Variants in PRAG1 observed in about 807,000 individuals in gnomAD.
The protein encoded by PRAG1 is inactive tyrosine-protein kinase PRAG1.
Under a neutral mutation model 95.6 loss-of-function variants are expected in PRAG1, and 110 were observed. That is an observed-to-expected ratio of 1.15 (90% confidence interval 0.99 to 1.35). The LOEUF (loss-of-function observed/expected upper bound fraction) is 1.35. PRAG1 is among the 40% of genes most tolerant of loss of function. The pLI, the probability that PRAG1 is intolerant of heterozygous loss-of-function variation, is 0.00. For synonymous variants in PRAG1, 1,052 were observed against 819.4 expected (o/e 1.28, Z -4.85); for missense variants, 2,554 against 1,864.7 (o/e 1.37, Z -6.81).
chr8:8,347,015 G>C (rs759669035), intron 3 of PRAG1, among the ~76,000 whole-genome samples: 18 of 152,204 alleles, frequency 1.2e-4, no homozygotes, highest in Non-Finnish European at 2.2e-4. Context: ...GAAAGTTTTA[G>C]AGCATCAAAT....
At chr8:8,378,905 C>T (rs956606932) in intron 2 of PRAG1, among the ~76,000 whole-genome samples, 1 of 150,118 alleles carries the variant, frequency 6.7e-6, no homozygotes, top group Non-Finnish European at 1.5e-5. Flanking sequence ...AAAAAAGAAA[C>T]ACATTGGGTG....
At chr8:8,348,254 A>ATTT (rs1799411243) in intron 3 of PRAG1, among the ~76,000 whole-genome samples, 1 of 152,192 alleles carries the variant, frequency 6.6e-6, no homozygotes, top group Admixed American at 6.5e-5. Context: ...CCTTGGTAAA[A>ATTT]GCACCCTGAC....
chr8:8,376,995 C>T lies in PRAG1; in HGVS notation c.1414G>A (p.Ala472Thr), dbSNP rs1800430292. 1 of 1,613,752 alleles carries T rather than the reference C, an allele frequency of 6.2e-7. No homozygotes were observed. Among genetic ancestry groups the T allele is most frequent in the East Asian group, 2.2e-5 (1 of 44,876 alleles). ...DSPDPTPQVS[A>T]TITVMAAHPE... is the part of the protein sequence containing the mutation. ...TGGGCCGCCATGACTGTGATGGTGGCTGACACCTGGGGAGTTGGGTCTGGG... is the reference window on the plus strand; with the variant it reads ...TGGGCCGCCATGACTGTGATGGTGGTTGACACCTGGGGAGTTGGGTCTGGG... Residue 472 changes from alanine to threonine, a missense_variant, in exon 3 of 6, where the codon GCC (alanine) becomes ACC (threonine). By Grantham distance (58) the Ala-to-Thr change is moderately conservative. Coordinates refer to ENST00000615670, the MANE Select transcript of PRAG1 (RefSeq NM_001080826.3).
In PRAG1 at chr8:8,318,137, G is replaced by C; in HGVS notation, c.*17C>G. 6.2e-7 allele frequency: 1 copy of C among 1,600,782 alleles called. No homozygotes were observed. Among genetic ancestry groups the C allele is most frequent in the Non-Finnish European group, 8.5e-7 (1 of 1,173,278 alleles). On this transcript the variant is annotated 3_prime_UTR_variant, in exon 6 of 6. Transcript: ENST00000615670. The surrounding 1 kb of genome is among the most constrained non-coding windows in gnomAD (Gnocchi z 4.2). Reference sequence around the variant, plus strand: ...TAGGCAGGGAAGGGGCAGCGACGGTGCAGGCTGGGGCTTGGCTCACAGAAG... The same window carrying C: ...TAGGCAGGGAAGGGGCAGCGACGGTCCAGGCTGGGGCTTGGCTCACAGAAG...
At chr8:8,329,524 C>A (rs1210939881) in intron 4 of PRAG1, among the ~76,000 whole-genome samples, 1 of 151,992 alleles carries the variant, frequency 6.6e-6, no homozygotes, top group Non-Finnish European at 1.5e-5. Flanking sequence ...CACACCTTGG[C>A]AGTAGGACCA....
chr8:8,370,395 C>T (rs1256600799), intron 3 of PRAG1, among the ~76,000 whole-genome samples: 4 of 152,228 alleles, frequency 2.6e-5, no homozygotes, highest in Non-Finnish European at 4.4e-5. Flanking sequence ...TATTCATTCT[C>T]CCCTGACCAA....
At chr8:8,337,617 G>C (rs1214817385) in intron 4 of PRAG1, among the ~76,000 whole-genome samples, 1 of 152,148 alleles carries the variant, frequency 6.6e-6, no homozygotes, top group African/African-American at 2.4e-5. Flanking sequence ...AGAGTCCAGG[G>C]ACAAGGTACA....
intron 3 of PRAG1, among the ~76,000 whole-genome samples, chr8:8,353,693 G>A (rs1470660829): frequency 6.6e-6 from 1 of 152,124 alleles, no homozygotes; most frequent in African/African-American, 2.4e-5. Flanking sequence ...CATAATCCCA[G>A]TACTTTGGGA....
intron 2 of PRAG1, among the ~76,000 whole-genome samples, chr8:8,380,283 A>G (rs1364830981): frequency 1.3e-5 from 2 of 151,928 alleles, no homozygotes; most frequent in African/African-American, 2.4e-5. Context: ...AAAAAAATAA[A>G]TAAATAAAAT....
intron 3 of PRAG1, among the ~76,000 whole-genome samples, chr8:8,362,137 T>G (rs903258110): frequency 3.3e-5 from 5 of 152,258 alleles, no homozygotes; most frequent in African/African-American, 1.2e-4. Flanking sequence ...CACTTCGTCC[T>G]ACCTGGCTGC....
chr8:8,377,330 T>C lies in PRAG1; in HGVS notation c.1079A>G (p.His360Arg), dbSNP rs540871394. The C allele has an allele frequency of 2.5e-6, 4 of 1,607,926 alleles. No homozygotes were observed. In the African/African-American group the frequency reaches 5.4e-5, roughly 22 times the overall value. The stretch of plus-strand genomic sequence containing the variant: ...GAGGGAGCAGTAATCACTCTCGAGG[T>C]GGGGGACGAAGGGGCTACTGGCGCC... ...GSGASSPFVP[H>R]LESDYCSLMK... The change falls in exon 3 of 6, where the codon CAC becomes CGC. Residue 360 changes from histidine to arginine, a missense_variant. Coordinates refer to ENST00000615670, the MANE Select transcript of PRAG1 (RefSeq NM_001080826.3).
rs1289294518 is a variant in PRAG1, at chr8:8,381,749, T to C, written c.-2A>G. On this transcript the variant is annotated 5_prime_UTR_variant, in exon 2 of 6. Transcript: ENST00000615670. ...GTTCAGGCAGAGGGTCTGGTGCATC[T>C]TGAGCCGACAGGGTGCTGGTTCATC... 3 of 1,573,376 alleles carry C rather than the reference T, an allele frequency of 1.9e-6. No individual in the cohort carries two copies. Among genetic ancestry groups the C allele is most frequent in the Non-Finnish European group, 2.6e-6 (3 of 1,155,276 alleles).
chr8:8,328,052 G>C lies in PRAG1; in HGVS notation c.2730C>G (p.Leu910=). 2.5e-6 allele frequency: 4 copies of C among 1,592,154 alleles called. No individual in the cohort carries two copies. Among genetic ancestry groups the C allele is most frequent in the Non-Finnish European group, 2.6e-6 (3 of 1,168,432 alleles). ...GNRGGCGSPG[L]QCKGAPSASS... is the part of the protein sequence containing the mutation. ...AGGCGGAGGGGGCCCCTTTGCACTGGAGGCCAGGGCTCCCGCAGCCGCCTC... is the reference window on the plus strand; with the variant it reads ...AGGCGGAGGGGGCCCCTTTGCACTGCAGGCCAGGGCTCCCGCAGCCGCCTC... Residue 910 remains leucine (L), a synonymous_variant, in exon 5 of 6, where the codon CTC becomes CTG. Coordinates refer to ENST00000615670, the MANE Select transcript of PRAG1 (RefSeq NM_001080826.3).
At position 8,381,634 on chromosome 8, in the gene PRAG1, G is replaced by A. The variant is rs201809392; in HGVS notation, c.114C>T (p.Ser38=). ...GSCKNCFCLR[S]DHQLVAGPPQ... The stretch of plus-strand genomic sequence containing the variant: ...GAGGGCCGGCCACCAGCTGGTGGTC[G>A]CTCCGCAGGCAGAAGCAGTTCTTGC... Residue 38 remains serine, a synonymous_variant, in exon 2 of 6, where the codon AGC becomes AGT. Transcript: ENST00000615670. The A allele has an allele frequency of 1.1e-4, 183 of 1,613,894 alleles. 4 individuals carry two copies. The Admixed American group carries it at 2.6e-3, about 23-fold the overall frequency.
chr8:8,360,560 G>A (rs1375412354), intron 3 of PRAG1, among the ~76,000 whole-genome samples: 2 of 152,108 alleles, frequency 1.3e-5, no homozygotes, highest in Non-Finnish European at 2.9e-5. Flanking sequence ...TACCTTCTGA[G>A]CTTCTCCTAA....
chr8:8,367,797 A>G (rs1369730895), intron 3 of PRAG1, among the ~76,000 whole-genome samples: 3 of 152,094 alleles, frequency 2.0e-5, no homozygotes, highest in Non-Finnish European at 2.9e-5. Flanking sequence ...GCGTGCCACC[A>G]TGCCCAGCTA....
chr8:8,321,393 G>A (rs1470373356), intron 5 of PRAG1, among the ~76,000 whole-genome samples: 1 of 152,206 alleles, frequency 6.6e-6, no homozygotes, highest in African/African-American at 2.4e-5. Context: ...CCTGCACTTG[G>A]TTTTTAAATG....
In PRAG1 at chr8:8,381,827, G is replaced by A. The variant is rs1166339751; in HGVS notation, c.-80C>T. 3.3e-6 allele frequency: 4 copies of A among 1,206,296 alleles called. No individual in the cohort carries two copies. The highest frequency in any genetic ancestry group is 1.5e-5 in the African/African-American group (1 of 64,990). The allele number at this position is 1,206,296 out of a possible 1,614,324, so 74.7% of individuals were successfully genotyped here. A position where few individuals can be genotyped will look rare whatever the true frequency, so the allele number is the denominator to read the frequency against. On this transcript the variant is annotated 5_prime_UTR_variant, in exon 2 of 6. Transcript: ENST00000615670. ...GTGGGATTCAGAGGTGGGTCACAGAGCGGCTTCCTAGAAAGGCAGGACAGT... is the reference window on the plus strand; with the variant it reads ...GTGGGATTCAGAGGTGGGTCACAGAACGGCTTCCTAGAAAGGCAGGACAGT...
chr8:8,324,295 A>C (rs1798563928), intron 5 of PRAG1, among the ~76,000 whole-genome samples: 1 of 152,198 alleles, frequency 6.6e-6, no homozygotes, highest in South Asian at 2.1e-4. Context: ...TGAGGCCTGG[A>C]GCTCCAGTCA....
Sources: gnomAD v4.1 joint callset for allele counts (sites outside exome capture counted in the v4.1 genomes callset) on GRCh38, gnomAD v4.1.1 for gene constraint, Gnocchi (gnomAD v3.1) non-coding constraint, MANE v1.5 for transcripts, NCBI Gene and HGNC (gene_info 2026-07-23, HGNC 2026-07-21) for gene names.